The following RADX variants were observed in gnomAD, a reference collection of about 807,000 sequenced individuals.
RADX encodes the protein RPA-related protein RADX.
RADX carries 36 observed loss-of-function variants against 61.6 expected under a neutral mutation model. The ratio of observed to expected loss-of-function variants is 0.58; its 90% CI spans 0.45 to 0.77. RADX has a LOEUF of 0.77. Ranked by LOEUF, RADX falls within the 30% of genes least tolerant of loss-of-function variation. RADX has a pLI of 0.00. For missense variants in RADX, 497 were observed against 651.1 expected, an observed-to-expected ratio of 0.76 and a Z score of 2.58; for synonymous variants, 272 against 237.9, an observed-to-expected ratio of 1.14 and a Z score of -1.32.
chrX:106,668,144 C>T (rs1271344040), intron 12 of RADX, among the ~76,000 whole-genome samples: 2 of 111,768 alleles, frequency 1.8e-5, no homozygotes, highest in African/African-American at 6.5e-5. Context: ...AATGTCATTT[C>T]CCCATAAAAA....
At chrX:106,645,306 T>G (rs1192499973) in intron 10 of RADX, among the ~76,000 whole-genome samples, 2 of 111,347 alleles carry the variant, frequency 1.8e-5, no homozygotes, top group Non-Finnish European at 3.8e-5. Flanking sequence ...TGGGTTTGTT[T>G]TGCTCTTGCC....
chrX:106,612,164 G>A lies in RADX; in HGVS notation c.84G>A (p.Gly28=), dbSNP rs1452479062. 3 of 1,211,768 alleles carry A rather than the reference G, an allele frequency of 2.5e-6. No individual in the cohort carries two copies. The South Asian group carries it at 5.3e-5, about 21-fold the overall frequency. ...CGAACCCTGAGAGGAATCGGGCTGGGGTCCCGGGAGGGGTGATCCGAAGAG... is the reference window on the plus strand; with the variant it reads ...CGAACCCTGAGAGGAATCGGGCTGGAGTCCCGGGAGGGGTGATCCGAAGAG... The part of the protein sequence containing the change: ...DWPNPERNRA[G]VPGGVIRRAG... The change falls in exon 1 of 14, where the codon GGG becomes GGA. Residue 28 remains glycine, a synonymous_variant. Coordinates refer to ENST00000372548, the MANE Select transcript of RADX (RefSeq NM_018015.6).
intron 11 of RADX, among the ~76,000 whole-genome samples, chrX:106,657,564 T>A (rs1369941409): frequency 8.9e-6 from 1 of 112,062 alleles, no homozygotes; most frequent in Non-Finnish European, 1.9e-5. Flanking sequence ...TTTCTAGCTT[T>A]TGATTTGAAA....
intron 1 of RADX, among the ~76,000 whole-genome samples, chrX:106,615,475 A>G (rs1371218130): frequency 1.8e-5 from 2 of 111,389 alleles, no homozygotes; most frequent in Non-Finnish European, 3.8e-5. Flanking sequence ...TCAAACCTCC[A>G]GTCTTTTTCC....
chrX:106,634,758 A>T (rs775662038), intron 6 of RADX, among the ~76,000 whole-genome samples: 31 of 111,872 alleles, frequency 2.8e-4, no homozygotes, highest in Non-Finnish European at 1.9e-5. Flanking sequence ...ATTGGCAGTG[A>T]TGACTTCTGG....
At position 106,667,895 on chromosome X, in the gene RADX, T is replaced by C. The variant is rs1928270695; in HGVS notation, c.2270-1268T>C. Among the ~76,000 whole-genome samples the C allele has an allele frequency of 3.6e-5, 4 of 111,682 alleles. No individual in the cohort carries two copies. In the South Asian group the frequency reaches 1.5e-3, roughly 42 times the overall value. ...TAAAAAATAAAATTAATGATATATATCTAAGTTAAATTTAGTCTTAGAATC... is the reference window on the plus strand; with the variant it reads ...TAAAAAATAAAATTAATGATATATACCTAAGTTAAATTTAGTCTTAGAATC... On this transcript the variant is annotated intron_variant, in intron 12 of 13. Coordinates refer to ENST00000372548, the MANE Select transcript of RADX (RefSeq NM_018015.6).
intron 10 of RADX, among the ~76,000 whole-genome samples, chrX:106,647,507 A>G (rs1927689016): frequency 9.0e-6 from 1 of 110,886 alleles, no homozygotes; most frequent in South Asian, 3.7e-4. Context: ...GGTATATACC[A>G]AGCAGGGGGG....
rs184301960 is a variant in RADX, at chrX:106,653,448, G to A, written c.1978+5062G>A. Among the ~76,000 whole-genome samples, 747 of 110,731 alleles carry A rather than the reference G, an allele frequency of 6.7e-3. 4 individuals carry two copies. Among genetic ancestry groups the A allele is most frequent in the African/African-American group, 0.023 (708 of 30,532 alleles). ...GTAAATGTTGTATATTGTAGACCTT[G>A]GAGAAAACACTAAAAAAAAGTGTAG... On this transcript the variant is annotated intron_variant, in intron 11 of 13. Transcript: ENST00000372548.
chrX:106,620,392 G>A (rs939399874), intron 1 of RADX, among the ~76,000 whole-genome samples: 2 of 111,157 alleles, frequency 1.8e-5, no homozygotes, highest in Non-Finnish European at 3.8e-5. Context: ...AGCTCTTCAG[G>A]ATGGGCACGG....
chrX:106,653,488 G>A (rs1202454410), intron 11 of RADX, among the ~76,000 whole-genome samples: 5 of 107,175 alleles, frequency 4.7e-5, no homozygotes, highest in African/African-American at 6.7e-5. Flanking sequence ...TCAATAGCAG[G>A]GCTTAATGGG....
intron 1 of RADX, among the ~76,000 whole-genome samples, chrX:106,619,354 T>C (rs1031269744): frequency 9.8e-5 from 11 of 111,850 alleles, no homozygotes; most frequent in Admixed American, 3.8e-4. Flanking sequence ...ATAAGTATTG[T>C]ATTTAGGGTT....
intron 11 of RADX, among the ~76,000 whole-genome samples, chrX:106,652,461 T>C (rs1357573964): frequency 2.7e-5 from 3 of 110,864 alleles, no homozygotes; most frequent in Admixed American, 1.9e-4. Context: ...ATGAAGTAAA[T>C]AGAATTTAAG....
chrX:106,657,784 C>T (rs1049366258), intron 11 of RADX, among the ~76,000 whole-genome samples: 1 of 110,947 alleles, frequency 9.0e-6, no homozygotes, highest in East Asian at 2.8e-4. Flanking sequence ...TGGTTTGTGG[C>T]GCCTCAAAAC....
At chrX:106,675,496 TGAA>T (rs1928483055) in intron 13 of RADX, among the ~76,000 whole-genome samples, 1 of 112,092 alleles carries the variant, frequency 8.9e-6, no homozygotes, top group Non-Finnish European at 1.9e-5. Flanking sequence ...GGAAGAAAGA[TGAA>T]GGAGATGCTG....
chrX:106,656,628 G>T (rs757941616), intron 11 of RADX, among the ~76,000 whole-genome samples: 1 of 111,801 alleles, frequency 8.9e-6, no homozygotes, highest in East Asian at 2.8e-4. Flanking sequence ...TTTTGTGTTT[G>T]CAGGCACGAA....
At chrX:106,618,793 C>T (rs1926872392) in intron 1 of RADX, among the ~76,000 whole-genome samples, 1 of 110,288 alleles carries the variant, frequency 9.1e-6, no homozygotes, top group Non-Finnish European at 1.9e-5. Flanking sequence ...AAGAGTGAGA[C>T]CTTGTCTCAA....
Position 106,639,555 on chromosome X carries a change from A to T in RADX, c.1602A>T (p.Glu534Asp). Residue 534 changes from glutamate (E) to aspartate (D), a missense_variant, in exon 9 of 14, where the codon GAA (glutamate) becomes GAT (aspartate). By Grantham distance (45) the Glu-to-Asp change is conservative. This residue lies in a region of RADX where 267 missense variants were observed against 306.9 expected (regional missense o/e 0.87). Coordinates refer to ENST00000372548, the MANE Select transcript of RADX (RefSeq NM_018015.6). ...KVESLLTAIS[E>D]VRKEIEDLQY... ...AGTCGCTCTTGACAGCTATAAGTGA[A>T]GTCAGGAAGGAGATTGAAGACTTGC... The T allele has an allele frequency of 8.3e-7, 1 of 1,199,435 alleles. No homozygotes were observed.
At chrX:106,616,436 C>A (rs986761868) in intron 1 of RADX, among the ~76,000 whole-genome samples, 1 of 111,357 alleles carries the variant, frequency 9.0e-6, no homozygotes, top group Non-Finnish European at 1.9e-5. Flanking sequence ...TCTTTAATTT[C>A]TTTTACGTAC....
intron 11 of RADX, among the ~76,000 whole-genome samples, chrX:106,658,191 A>G (rs1029698375): frequency 2.7e-5 from 3 of 112,312 alleles, no homozygotes; most frequent in African/African-American, 9.7e-5. Flanking sequence ...ACCATACAAA[A>G]GAAAACTTGA....
Sources: allele counts gnomAD v4.1 joint callset (sites outside exome capture counted in the v4.1 genomes callset), GRCh38; gene constraint gnomAD v4.1.1; regional missense constraint gnomAD v4.1.1; transcripts MANE v1.5; gene names NCBI Gene and HGNC (gene_info 2026-07-23, HGNC 2026-07-21).